Variants in CPPED1 observed in about 807,000 individuals in gnomAD.
CPPED1 encodes the protein calcineurin like phosphoesterase domain containing 1.
Under a neutral mutation model 28.0 loss-of-function variants are expected in CPPED1, and 28 were observed. The observed-to-expected ratio is 1.00, with a 90% confidence interval of 0.74 to 1.37. The LOEUF (loss-of-function observed/expected upper bound fraction) is 1.37, where lower values mean the gene tolerates loss of function less well. Among genes scored for constraint, CPPED1 ranks in the 40% most tolerant of loss-of-function variants. The pLI is 0.00. For missense variants in CPPED1, 504 were observed against 416.5 expected (o/e 1.21, Z -1.83); for synonymous variants, 198 against 180.2 (o/e 1.10, Z -0.79).
rs115580835 is a variant in CPPED1, at chr16:12,787,220, T to G, written c.71-5817A>C. On this transcript the variant is annotated intron_variant, in intron 1 of 3. Coordinates refer to ENST00000381774, the MANE Select transcript of CPPED1 (RefSeq NM_018340.3). ...AAGGAATAAAAGAAAAAAGAATTGATTAAGATCTCATTTCTGACCCAGATG... is the reference window on the plus strand; with the variant it reads ...AAGGAATAAAAGAAAAAAGAATTGAGTAAGATCTCATTTCTGACCCAGATG... Among the ~76,000 whole-genome samples the G allele has an allele frequency of 2.1e-3, 327 of 152,272 alleles. 2 individuals are homozygous for G. The highest frequency in any genetic ancestry group is 7.5e-3 in the African/African-American group (312 of 41,562).
chr16:12,779,251 C>T (rs909571862), intron 2 of CPPED1, among the ~76,000 whole-genome samples: 9 of 152,110 alleles, frequency 5.9e-5, no homozygotes, highest in African/African-American at 2.2e-4. Flanking sequence ...GGGGCTCTCT[C>T]TGTTGTCTGG....
intron 2 of CPPED1, among the ~76,000 whole-genome samples, chr16:12,733,878 A>G (rs1362181900): frequency 1.3e-5 from 2 of 152,090 alleles, no homozygotes; most frequent in Non-Finnish European, 2.9e-5. Flanking sequence ...ATCTGCATGC[A>G]TTTATAACGT....
At chr16:12,689,711 G>C (rs2141177507) in intron 3 of CPPED1, among the ~76,000 whole-genome samples, 1 of 152,142 alleles carries the variant, frequency 6.6e-6, no homozygotes, top group Non-Finnish European at 1.5e-5. Context: ...GGCAAATAAG[G>C]CTCTCACAGA....
intron 3 of CPPED1, among the ~76,000 whole-genome samples, chr16:12,686,064 G>T (rs2079931262): frequency 6.6e-6 from 1 of 152,118 alleles, no homozygotes; most frequent in South Asian, 2.1e-4. Flanking sequence ...TGTCCACACA[G>T]AGAACTTCCT....
Position 12,713,577 on chromosome 16 carries a change from T to G in CPPED1, c.290-8528A>C, listed in dbSNP as rs139283382. 2.5e-3 allele frequency among the ~76,000 whole-genome samples: 385 copies of G among 152,130 alleles called. 2 individuals are homozygous for G. The highest frequency in any genetic ancestry group is 2.3e-3 in the Non-Finnish European group (157 of 67,982). On this transcript the variant is annotated intron_variant, in intron 2 of 3. Coordinates refer to ENST00000381774, the MANE Select transcript of CPPED1 (RefSeq NM_018340.3). Reference sequence around the variant, plus strand: ...GACGGGGTTTCATCATACTGGCCAGTCTTGAACTCCTGATCTCAGGTGATC... The same window carrying G: ...GACGGGGTTTCATCATACTGGCCAGGCTTGAACTCCTGATCTCAGGTGATC...
chr16:12,716,248 C>T (rs75653131), intron 2 of CPPED1, among the ~76,000 whole-genome samples: 5,172 of 152,280 alleles, frequency 0.034, 130 homozygotes, highest in East Asian at 0.1. Context: ...CCTTCTTTAG[C>T]GCTAACGCTG....
At chr16:12,673,637 C>T (rs2079863643) in intron 3 of CPPED1, among the ~76,000 whole-genome samples, 1 of 152,188 alleles carries the variant, frequency 6.6e-6, no homozygotes, top group African/African-American at 2.4e-5. Context: ...CTGTAATATG[C>T]ATGTCCTCTC....
At position 12,664,402 on chromosome 16, in the gene CPPED1, G is replaced by A. The variant is rs3748983; in HGVS notation, c.*484C>T. 29,960 of 1,005,956 alleles carry A rather than the reference G, an allele frequency of 0.03. 518 individuals carry two copies. The highest frequency in any genetic ancestry group is 0.062 in the Middle Eastern group (124 of 2,004). 62.3% of individuals were successfully genotyped at this position (1,005,956 alleles called of 1,614,324 possible). ...CTCACAACAAGGGAGACAGCTGTTC[G>A]TTCCGCTGGAAAGGAAAGGAGATGA... On this transcript the variant is annotated 3_prime_UTR_variant, in exon 4 of 4. Coordinates refer to ENST00000381774, the MANE Select transcript of CPPED1 (RefSeq NM_018340.3). This position sits in a 1 kb window ranked among gnomAD's most constrained non-coding sequence, Gnocchi z 4.2.
At chr16:12,719,791 C>A (rs142426200) in intron 2 of CPPED1, among the ~76,000 whole-genome samples, 4 of 151,998 alleles carry the variant, frequency 2.6e-5, no homozygotes, top group African/African-American at 9.6e-5. Flanking sequence ...AAAAATTAGC[C>A]GGGCGTGGTG....
At chr16:12,782,804 G>T (rs1254847502) in intron 1 of CPPED1, among the ~76,000 whole-genome samples, 12 of 152,060 alleles carry the variant, frequency 7.9e-5, no homozygotes, top group Admixed American at 7.2e-4. Context: ...CCGGAAGGCG[G>T]AGGTTGCAGT....
At chr16:12,721,984 T>A (rs1168337744) in intron 2 of CPPED1, among the ~76,000 whole-genome samples, 1 of 152,138 alleles carries the variant, frequency 6.6e-6, no homozygotes, top group South Asian at 2.1e-4. Flanking sequence ...AAGAATGTTT[T>A]TTTTTCCCAG....
chr16:12,715,072 G>A (rs1400467499), intron 2 of CPPED1, among the ~76,000 whole-genome samples: 1 of 151,926 alleles, frequency 6.6e-6, no homozygotes, highest in African/African-American at 2.4e-5. Flanking sequence ...CCATTGAATT[G>A]TCTTGGCGCC....
chr16:12,734,938 G>C (rs1439382038), intron 2 of CPPED1, among the ~76,000 whole-genome samples: 1 of 152,130 alleles, frequency 6.6e-6, no homozygotes, highest in African/African-American at 2.4e-5. Context: ...GCTCTCCCAT[G>C]CCCATCACCA....
chr16:12,778,529 G>C (rs945415759), intron 2 of CPPED1, among the ~76,000 whole-genome samples: 12 of 152,154 alleles, frequency 7.9e-5, no homozygotes, highest in Admixed American at 3.3e-4. Flanking sequence ...GCCCACCTTG[G>C]CGTCCCAAAG....
At chr16:12,763,948 A>G (rs1299392901) in intron 2 of CPPED1, among the ~76,000 whole-genome samples, 1 of 150,436 alleles carries the variant, frequency 6.6e-6, no homozygotes, top group African/African-American at 2.5e-5. Context: ...GAAAAAAGTG[A>G]AACAAATCTG....
chr16:12,779,260 G>A (rs2080515569), intron 2 of CPPED1, among the ~76,000 whole-genome samples: 1 of 151,984 alleles, frequency 6.6e-6, no homozygotes, highest in South Asian at 2.1e-4. Flanking sequence ...TCTGTTGTCT[G>A]GAGGCTGGAG....
chr16:12,777,615 T>G (rs2080504995), intron 2 of CPPED1, among the ~76,000 whole-genome samples: 1 of 152,212 alleles, frequency 6.6e-6, no homozygotes, highest in Non-Finnish European at 1.5e-5. Context: ...TAAATGGACT[T>G]TGTGTGAAAC....
Position 12,661,188 on chromosome 16 carries a change from T to A in CPPED1, c.*3698A>T, listed in dbSNP as rs2079792109. The A allele has an allele frequency of 6.6e-6, 1 of 152,240 alleles. No homozygotes were observed. Among genetic ancestry groups the A allele is most frequent in the Admixed American group, 6.5e-5 (1 of 15,280 alleles). 9.4% of individuals were successfully genotyped at this position (152,240 alleles called of 1,614,324 possible). On this transcript the variant is annotated 3_prime_UTR_variant, in exon 4 of 4. Transcript: ENST00000381774. ...AAAGATTCTGCATTGGAATACAGAC[T>A]GTAATATTAAACTACTATGTGTATA...
At chr16:12,787,027 T>C (rs1596485373) in intron 1 of CPPED1, among the ~76,000 whole-genome samples, 2 of 152,218 alleles carry the variant, frequency 1.3e-5, no homozygotes, top group East Asian at 3.8e-4. Context: ...CACACATGTA[T>C]GTGTACACCC....
Sources: gnomAD v4.1 joint callset for allele counts (sites outside exome capture counted in the v4.1 genomes callset) on GRCh38, gnomAD v4.1.1 for gene constraint, Gnocchi (gnomAD v3.1) non-coding constraint, MANE v1.5 for transcripts, NCBI Gene and HGNC (gene_info 2026-07-23, HGNC 2026-07-21) for gene names.